The following GPC6 variants were observed in gnomAD, a reference collection of about 807,000 sequenced individuals.
GPC6 encodes glypican 6, also known as glypican-6.
A neutral mutation model predicts 55.2 loss-of-function variants in GPC6; 14 were observed. That is an observed-to-expected ratio of 0.25 (90% CI 0.17 to 0.40). The LOEUF (loss-of-function observed/expected upper bound fraction) is 0.40, where lower values mean the gene tolerates loss of function less well. Ranked by LOEUF, GPC6 falls within the 10% of genes least tolerant of loss-of-function variation. The probability of loss-of-function intolerance (pLI) is 1.00; values close to 1 mark genes in which losing one functional copy is unlikely to be tolerated. For missense variants in GPC6, 641 were observed against 708.5 expected (o/e 0.90, Z 1.08); for synonymous variants, 278 against 259.6 (o/e 1.07, Z -0.68).
chr13:94,367,262 C>T (rs769695003), intron 6 of GPC6, among the ~76,000 whole-genome samples: 4 of 152,218 alleles, frequency 2.6e-5, no homozygotes, highest in Non-Finnish European at 5.9e-5. Context: ...AATAGTGCCA[C>T]ATTTGAGGTA....
chr13:93,523,509 T>TTGTG (rs146065094), intron 1 of GPC6, among the ~76,000 whole-genome samples: 70 of 150,710 alleles, frequency 4.6e-4, no homozygotes, highest in African/African-American at 1.7e-3. Flanking sequence ...ATATACATAT[T>TTGTG]TGTGTGTGTG....
chr13:94,116,885 C>G (rs1450540670), intron 4 of GPC6, among the ~76,000 whole-genome samples: 1 of 151,998 alleles, frequency 6.6e-6, no homozygotes, highest in South Asian at 2.1e-4. Flanking sequence ...ACATCAACTT[C>G]TTTGTCAACC....
intron 2 of GPC6, among the ~76,000 whole-genome samples, chr13:93,801,411 A>G (rs1886364101): frequency 6.6e-6 from 1 of 152,118 alleles, no homozygotes. Context: ...AGTGGGTTTG[A>G]TTCTTCCTCA....
intron 3 of GPC6, among the ~76,000 whole-genome samples, chr13:93,921,032 G>A (rs1455462757): frequency 6.6e-6 from 1 of 152,146 alleles, no homozygotes; most frequent in Non-Finnish European, 1.5e-5. Flanking sequence ...TCTGCCTTTT[G>A]CTAACACTGA....
chr13:94,173,012 C>G (rs1888625086), intron 4 of GPC6, among the ~76,000 whole-genome samples: 1 of 152,088 alleles, frequency 6.6e-6, no homozygotes, highest in South Asian at 2.1e-4. Context: ...TCTCATTAGC[C>G]AACAATGAGA....
At chr13:93,830,843 A>T (rs577726008) in intron 3 of GPC6, 4 of 331,886 alleles carry the variant, frequency 1.2e-5, no homozygotes, top group Non-Finnish European at 2.2e-5. Flanking sequence ...GCACGTTGCA[A>T]CTATGATCAT....
At chr13:93,495,097 T>A (rs1226752384) in intron 1 of GPC6, among the ~76,000 whole-genome samples, 1 of 112,782 alleles carries the variant, frequency 8.9e-6, no homozygotes, top group Non-Finnish European at 1.9e-5. Flanking sequence ...GAAGTTCTCC[T>A]GGATAATATC....
chr13:93,542,799 G>A (rs1013221622), intron 1 of GPC6, among the ~76,000 whole-genome samples: 1 of 152,132 alleles, frequency 6.6e-6, no homozygotes, highest in South Asian at 2.1e-4. Context: ...GTGAATGGGA[G>A]TTCACTCATG....
chr13:93,664,344 C>T lies in GPC6; in HGVS notation c.319+118923C>T, dbSNP rs948129316. On this transcript the variant is annotated intron_variant, in intron 2 of 8. Coordinates refer to ENST00000377047, the MANE Select transcript of GPC6 (RefSeq NM_005708.5). ...GATAAACAAAAAAATGCATGGGATT[C>T]AGTGAACTTTTTCGTTTTTATTTTT... Among the ~76,000 whole-genome samples the T allele has an allele frequency of 5.3e-5, 8 of 152,104 alleles. 1 individual carries two copies. Among genetic ancestry groups the T allele is most frequent in the Admixed American group, 2.0e-4 (3 of 15,280 alleles).
chr13:93,402,607 A>C (rs1021406382), intron 1 of GPC6, among the ~76,000 whole-genome samples: 6 of 152,182 alleles, frequency 3.9e-5, no homozygotes, highest in Admixed American at 6.5e-5. Context: ...GCTACACCGT[A>C]CTGACAGTAG....
chr13:94,326,374 G>T (rs1877117585), intron 6 of GPC6, among the ~76,000 whole-genome samples: 1 of 152,086 alleles, frequency 6.6e-6, no homozygotes, highest in Non-Finnish European at 1.5e-5. Context: ...TATCAGAAGT[G>T]CAGAGATAAG....
chr13:93,419,831 G>A (rs1876857352), intron 1 of GPC6, among the ~76,000 whole-genome samples: 1 of 152,072 alleles, frequency 6.6e-6, no homozygotes, highest in Non-Finnish European at 1.5e-5. Flanking sequence ...TACATTAAAC[G>A]TTTGAACTTT....
intron 7 of GPC6, among the ~76,000 whole-genome samples, chr13:94,393,882 C>A (rs1419963369): frequency 7.7e-4 from 117 of 152,304 alleles, no homozygotes; most frequent in Non-Finnish European, 4.4e-5. Flanking sequence ...ATTCACATAT[C>A]AACAGGGTCT....
chr13:93,719,657 G>A (rs1403780556), intron 2 of GPC6, among the ~76,000 whole-genome samples: 1 of 151,972 alleles, frequency 6.6e-6, no homozygotes, highest in Non-Finnish European at 1.5e-5. Context: ...TTTTTGTCTT[G>A]TGCCAGTTTT....
chr13:94,264,984 G>T (rs563338769), intron 4 of GPC6, among the ~76,000 whole-genome samples: 1 of 152,276 alleles, frequency 6.6e-6, no homozygotes, highest in South Asian at 2.1e-4. Flanking sequence ...GGGGGAAACT[G>T]CTCCCATGTT....
intron 2 of GPC6, among the ~76,000 whole-genome samples, chr13:93,762,793 C>T (rs1210834368): frequency 1.3e-5 from 2 of 152,160 alleles, no homozygotes; most frequent in African/African-American, 2.4e-5. Flanking sequence ...GATCAATTTA[C>T]TCGTTGAATG....
intron 1 of GPC6, among the ~76,000 whole-genome samples, chr13:93,312,544 C>A (rs1245299933): frequency 1.3e-5 from 2 of 152,054 alleles, no homozygotes; most frequent in Non-Finnish European, 2.9e-5. Flanking sequence ...CATAATTTTA[C>A]ATAGCCTTGT....
chr13:93,639,101 G>C (rs1354585178), intron 2 of GPC6, among the ~76,000 whole-genome samples: 2 of 151,900 alleles, frequency 1.3e-5, no homozygotes, highest in Non-Finnish European at 2.9e-5. Context: ...AAAAAAAAAA[G>C]TTTGTCACGT....
intron 5 of GPC6, among the ~76,000 whole-genome samples, chr13:94,302,170 A>G (rs1875685680): frequency 6.6e-6 from 1 of 152,242 alleles, no homozygotes; most frequent in African/African-American, 2.4e-5. Flanking sequence ...GCTATAACAC[A>G]ATGCCATGAA....
Sources: allele counts gnomAD v4.1 joint callset (sites outside exome capture counted in the v4.1 genomes callset), GRCh38; gene constraint gnomAD v4.1.1; transcripts MANE v1.5; gene names NCBI Gene and HGNC (gene_info 2026-07-23, HGNC 2026-07-21).